The following CYP4X1 variants were observed in gnomAD, a reference collection of about 807,000 sequenced individuals.
The protein encoded by CYP4X1 is cytochrome P450 4X1.
CYP4X1 carries 44 observed loss-of-function variants against 57.9 expected under a neutral mutation model. The observed-to-expected ratio is 0.76, with a 90% CI of 0.60 to 0.98. CYP4X1 has a LOEUF of 0.98. Ranked by LOEUF, CYP4X1 falls within the 50% of genes least tolerant of loss-of-function variation. The pLI is 0.00. For synonymous variants in CYP4X1, 227 were observed against 228.6 expected (o/e 0.99, Z 0.06); for missense variants, 532 against 623.9 (o/e 0.85, Z 1.57).
chr1:47,020,269 C>T (rs916759614), upstream of CYP4X1, among the ~76,000 whole-genome samples: 1 of 152,198 alleles, frequency 6.6e-6, no homozygotes, highest in South Asian at 2.1e-4. Context: ...CTCCACTACA[C>T]CCTAAGCCAC....
chr1:46,962,215 C>T, the CYP4X1 span, among the ~76,000 whole-genome samples: 8 of 152,204 alleles, frequency 5.3e-5, no homozygotes, highest in East Asian at 5.8e-4. Flanking sequence ...CTCCCGGGTT[C>T]GAGTGATTCT....
the CYP4X1 span, among the ~76,000 whole-genome samples, chr1:46,976,673 C>T: frequency 3.7e-4 from 56 of 152,284 alleles, no homozygotes; most frequent in Middle Eastern, 3.4e-3. Flanking sequence ...CCACTGTAGC[C>T]TAACTGGGAG....
chr1:47,008,432 A>G, the CYP4X1 span, among the ~76,000 whole-genome samples: 6 of 152,350 alleles, frequency 3.9e-5, no homozygotes, highest in Non-Finnish European at 8.8e-5. Flanking sequence ...AGCACTAAAC[A>G]TGGAAAGGAA....
At chr1:47,006,598 G>A in the CYP4X1 span, among the ~76,000 whole-genome samples, 1 of 152,136 alleles carries the variant, frequency 6.6e-6, no homozygotes, top group Non-Finnish European at 1.5e-5. Context: ...GACAGTGGAT[G>A]CAACACACTG....
chr1:46,988,128 T>C, the CYP4X1 span, among the ~76,000 whole-genome samples: 1 of 152,002 alleles, frequency 6.6e-6, no homozygotes, highest in Non-Finnish European at 1.5e-5. Context: ...ACAAAATATG[T>C]AGACCACTAG....
intron 3 of CYP4X1, 48 bp downstream of exon 3, chr1:47,031,528 C>T (rs1644123685): frequency 6.3e-7 from 1 of 1,597,268 alleles, no homozygotes; most frequent in African/African-American, 1.3e-5. Context: ...TTCAAAGTCC[C>T]CTTTCCATAG....
the CYP4X1 span, among the ~76,000 whole-genome samples, chr1:46,964,837 G>T: frequency 6.8e-4 from 103 of 152,330 alleles, no homozygotes; most frequent in Admixed American, 6.5e-3. Flanking sequence ...GCCCCCAGTG[G>T]TGGAGTCTAC....
the CYP4X1 span, among the ~76,000 whole-genome samples, chr1:46,992,976 C>A: frequency 1.3e-5 from 2 of 152,054 alleles, no homozygotes; most frequent in Non-Finnish European, 2.9e-5. Flanking sequence ...TACATGTGCA[C>A]AACGTGCAGG....
intron 1 of CYP4X1, among the ~76,000 whole-genome samples, chr1:47,025,955 G>T (rs765930973): frequency 2.0e-5 from 3 of 152,070 alleles, no homozygotes; most frequent in Non-Finnish European, 4.4e-5. Flanking sequence ...AATTGTTTTG[G>T]CATCCTTGTC....
chr1:47,006,005 T>C, the CYP4X1 span, among the ~76,000 whole-genome samples: 1 of 152,190 alleles, frequency 6.6e-6, no homozygotes, highest in Admixed American at 6.5e-5. Context: ...CACTGGCTAT[T>C]AGAAACATGG....
chr1:46,993,653 C>A, the CYP4X1 span, among the ~76,000 whole-genome samples: 21 of 152,094 alleles, frequency 1.4e-4, no homozygotes, highest in Non-Finnish European at 2.8e-4. Flanking sequence ...TATCTCATTG[C>A]GGTTTTGATT....
chr1:47,049,639 C>T (rs1000786312), intron 11 of CYP4X1, 135 bp downstream of exon 11: 6 of 813,656 alleles, frequency 7.4e-6, no homozygotes, highest in Middle Eastern at 2.5e-4. Flanking sequence ...CCCAAAGGAT[C>T]AGTTAGTTTT....
intron 6 of CYP4X1, among the ~76,000 whole-genome samples, chr1:47,038,412 A>T (rs1421895655): frequency 2.6e-5 from 4 of 152,184 alleles, no homozygotes; most frequent in Non-Finnish European, 5.9e-5. Context: ...CTTGCATCTA[A>T]ACTTGAAATC....
At chr1:47,003,341 G>A in the CYP4X1 span, among the ~76,000 whole-genome samples, 4 of 152,274 alleles carry the variant, frequency 2.6e-5, no homozygotes, top group Non-Finnish European at 5.9e-5. Flanking sequence ...CACTTAACTT[G>A]AGCCAGAAAT....
At chr1:46,974,424 T>C in the CYP4X1 span, among the ~76,000 whole-genome samples, 2 of 152,182 alleles carry the variant, frequency 1.3e-5, no homozygotes, top group African/African-American at 4.8e-5. Context: ...TGGAGTGTTC[T>C]GTAGATGTCT....
At chr1:46,988,083 T>C in the CYP4X1 span, among the ~76,000 whole-genome samples, 5 of 152,024 alleles carry the variant, frequency 3.3e-5, no homozygotes, top group South Asian at 1.0e-3. Flanking sequence ...CTTCAAAAAT[T>C]GATGAATCCA....
the CYP4X1 span, among the ~76,000 whole-genome samples, chr1:46,988,047 A>G: frequency 6.6e-6 from 1 of 152,192 alleles, no homozygotes; most frequent in Non-Finnish European, 1.5e-5. Context: ...AGCAGAACTG[A>G]AGGAGATAAG....
In CYP4X1 at chr1:47,038,732, A is replaced by C; in HGVS notation, c.848A>C (p.Tyr283Ser). The C allele has an allele frequency of 6.2e-7, 1 of 1,611,022 alleles. No individual in the cohort carries two copies. Among genetic ancestry groups the C allele is most frequent in the Non-Finnish European group, 8.5e-7 (1 of 1,178,564 alleles). The stretch of plus-strand genomic sequence containing the variant: ...CAGGATAACACTCCGAAGAGGAAGT[A>C]CCAGGATTTTCTGGATATTGTCCTT... Reference protein sequence around the residue: ...VKQDNTPKRKYQDFLDIVLSA... With the variant: ...VKQDNTPKRKSQDFLDIVLSA... Residue 283 changes from tyrosine (Y) to serine (S), a missense_variant, in exon 7 of 12, where the codon TAC becomes TCC. Coordinates refer to ENST00000371901, the MANE Select transcript of CYP4X1 (RefSeq NM_178033.2).
the CYP4X1 span, among the ~76,000 whole-genome samples, chr1:47,006,760 G>T: frequency 1.3e-5 from 2 of 152,178 alleles, no homozygotes; most frequent in South Asian, 2.1e-4. Context: ...AATGGTCTTA[G>T]CAAACGGCAC....
Sources: gnomAD v4.1 joint callset for allele counts (sites outside exome capture counted in the v4.1 genomes callset) on GRCh38, gnomAD v4.1.1 for gene constraint, MANE v1.5 for transcripts, NCBI Gene and HGNC (gene_info 2026-07-23, HGNC 2026-07-21) for gene names.